Variants in GLG1 observed in about 807,000 individuals in gnomAD.
The protein encoded by GLG1 is golgi glycoprotein 1, also known as Golgi apparatus protein 1.
A neutral mutation model predicts 160.5 loss-of-function variants in GLG1; 38 were observed. That is an observed-to-expected ratio of 0.24 (90% CI 0.18 to 0.31). The LOEUF is 0.31. Among genes scored for constraint, GLG1 ranks in the 10% least tolerant of loss-of-function variants. The pLI, the probability that GLG1 is intolerant of heterozygous loss-of-function variation, is 1.00. For missense variants in GLG1, 1,373 were observed against 1,505.2 expected, an observed-to-expected ratio of 0.91 and a Z score of 1.45; for synonymous variants, 644 against 543.4, an observed-to-expected ratio of 1.19 and a Z score of -2.57.
chr16:74,505,922 T>C (rs565651426), intron 3 of GLG1, among the ~76,000 whole-genome samples: 1 of 151,692 alleles, frequency 6.6e-6, no homozygotes, highest in Non-Finnish European at 1.5e-5. Context: ...CCCAGCTACT[T>C]GGGAGGCTGA....
intron 2 of GLG1, among the ~76,000 whole-genome samples, chr16:74,521,850 G>C (rs1035810949): frequency 6.6e-6 from 1 of 152,156 alleles, no homozygotes; most frequent in Non-Finnish European, 1.5e-5. Context: ...TAGTCACAGG[G>C]GCATGGAAAG....
At chr16:74,461,958 C>A (rs1192799917) in intron 22 of GLG1, 136 bp downstream of exon 22, 1 of 593,698 alleles carries the variant, frequency 1.7e-6, no homozygotes, top group African/African-American at 1.9e-5. Context: ...GGAATGCAGA[C>A]CATGGAGAGC....
chr16:74,558,714 A>G (rs149683196), intron 1 of GLG1, among the ~76,000 whole-genome samples: 2 of 152,334 alleles, frequency 1.3e-5, no homozygotes, highest in African/African-American at 4.8e-5. Flanking sequence ...AAAGTTTCCT[A>G]TATTAACTAT....
intron 2 of GLG1, among the ~76,000 whole-genome samples, chr16:74,523,342 G>A (rs1477027206): frequency 6.6e-6 from 1 of 152,112 alleles, no homozygotes; most frequent in Non-Finnish European, 1.5e-5. Context: ...CTACCACACT[G>A]CCTTAATTAC....
Position 74,447,499 on chromosome 16 carries a change from A to C in GLG1, c.*5668T>G, listed in dbSNP as rs1183422080. The C allele has an allele frequency of 6.6e-6, 1 of 152,206 alleles. No individual in the cohort carries two copies. The allele number at this position is 152,206 out of a possible 1,614,324, so 9.4% of individuals were successfully genotyped here. A position where few individuals can be genotyped will look rare whatever the true frequency, so the allele number is the denominator to read the frequency against. On this transcript the variant is annotated 3_prime_UTR_variant, in exon 26 of 26. Transcript: ENST00000422840. ...ATCTGTACAGAAAAAAATGCACATT[A>C]TGTTCAGAACATATCTCAGTAACAT...
intron 1 of GLG1, among the ~76,000 whole-genome samples, chr16:74,597,068 A>T (rs1348778922): frequency 6.6e-6 from 1 of 151,648 alleles, no homozygotes; most frequent in South Asian, 2.1e-4. Flanking sequence ...GCAGTGAATC[A>T]TGATCATGCC....
chr16:74,579,362 G>C (rs1957884497), intron 1 of GLG1, among the ~76,000 whole-genome samples: 1 of 72,966 alleles, frequency 1.4e-5, no homozygotes, highest in Non-Finnish European at 2.5e-5. Flanking sequence ...GCTGCAGTGA[G>C]CCGTGATTGT....
chr16:74,462,580 T>C lies in GLG1; in HGVS notation c.2842A>G (p.Lys948Glu), dbSNP rs777133652. The C allele has an allele frequency of 1.1e-5, 17 of 1,613,782 alleles. No individual in the cohort carries two copies. The highest frequency in any genetic ancestry group is 1.4e-5 in the Non-Finnish European group (17 of 1,179,632). Residue 948 changes from lysine to glutamate, a missense_variant, in exon 21 of 26, where the codon AAA (lysine) becomes GAA (glutamate). Transcript: ENST00000422840. ...TTAGTCAGGATACCGTGACAGAATT[T>C]AGGAATGTCAGCTTTACAGGCTTTT... Reference protein sequence around the residue: ...LRKACKADIPKFCHGILTKAK... With the variant: ...LRKACKADIPEFCHGILTKAK...
Position 74,580,159 on chromosome 16 carries a change from A to G in GLG1, c.438+26498T>C, listed in dbSNP as rs570261193. 1.5e-3 allele frequency among the ~76,000 whole-genome samples: 224 copies of G among 152,160 alleles called. 1 individual carries two copies. The South Asian group carries it at 0.016, about 11-fold the overall frequency. On this transcript the variant is annotated intron_variant, in intron 1 of 25. Coordinates refer to ENST00000422840, the MANE Select transcript of GLG1 (RefSeq NM_001145667.2). ...AACACAGGCCTAAATCCTAAAGGCT[A>G]TTTATCAGGTATAAAAGATGCTAAA...
chr16:74,520,635 T>C (rs1000386407), intron 2 of GLG1, among the ~76,000 whole-genome samples: 3 of 152,056 alleles, frequency 2.0e-5, no homozygotes, highest in African/African-American at 7.3e-5. Flanking sequence ...AAACTCCATC[T>C]CAAACGACAA....
intron 2 of GLG1, among the ~76,000 whole-genome samples, chr16:74,521,822 G>A (rs1379329212): frequency 6.6e-6 from 1 of 152,156 alleles, no homozygotes; most frequent in African/African-American, 2.4e-5. Context: ...TCTCCCCATG[G>A]CCGTTGTGAC....
At chr16:74,465,929 C>CCAGG in intron 18 of GLG1, 116 bp from the exon 19 acceptor site, 1 of 884,374 alleles carries the variant, frequency 1.1e-6, no homozygotes, top group Non-Finnish European at 1.8e-6. Flanking sequence ...TTTCTCATTC[C>CCAGG]CAGGCAATCG....
Position 74,572,112 on chromosome 16 carries a change from G to A in GLG1, c.438+34545C>T, listed in dbSNP as rs1172020930. On this transcript the variant is annotated intron_variant, in intron 1 of 25. Transcript: ENST00000422840. ...GGAAAAACCAAGGCATGATTGGAGG[G>A]TTGGGACTTTCAGGCCCACCCCCAA... 6.6e-5 allele frequency among the ~76,000 whole-genome samples: 10 copies of A among 152,318 alleles called. No individual in the cohort carries two copies. In the South Asian group the frequency reaches 1.9e-3, roughly 28 times the overall value.
chr16:74,498,522 A>C (rs1342116250), intron 4 of GLG1, among the ~76,000 whole-genome samples: 1 of 134,822 alleles, frequency 7.4e-6, no homozygotes, highest in Non-Finnish European at 1.6e-5. Flanking sequence ...ACACGCAATT[A>C]AAATCTTGTT....
intron 1 of GLG1, among the ~76,000 whole-genome samples, chr16:74,600,949 G>C (rs998527549): frequency 2.0e-5 from 3 of 152,032 alleles, no homozygotes; most frequent in Non-Finnish European, 4.4e-5. Flanking sequence ...GTAAGCAATG[G>C]TGGTGTCTTA....
intron 1 of GLG1, among the ~76,000 whole-genome samples, chr16:74,595,742 T>C (rs1188924984): frequency 6.6e-6 from 1 of 152,242 alleles, no homozygotes; most frequent in African/African-American, 2.4e-5. Flanking sequence ...TGTTTTCTAG[T>C]AGTCATTTAT....
chr16:74,539,437 G>A (rs945484636), intron 1 of GLG1, among the ~76,000 whole-genome samples: 4 of 151,088 alleles, frequency 2.6e-5, no homozygotes, highest in Admixed American at 1.3e-4. Context: ...CTATGTTGAC[G>A]TTAAAACTTG....
In GLG1 at chr16:74,591,497, G is replaced by A. The variant is rs192221820; in HGVS notation, c.438+15160C>T. ...CAAAAAAATAGCTCTGCGTGGTGGC[G>A]GGTGCCCGTAGTCCCAGCTACGTGG... On this transcript the variant is annotated intron_variant, in intron 1 of 25. Transcript: ENST00000422840. 8.0e-5 allele frequency among the ~76,000 whole-genome samples: 12 copies of A among 150,132 alleles called. No individual in the cohort carries two copies. The East Asian group carries it at 1.6e-3, about 20-fold the overall frequency.
At chr16:74,596,361 T>C (rs1958303294) in intron 1 of GLG1, among the ~76,000 whole-genome samples, 2 of 151,992 alleles carry the variant, frequency 1.3e-5, no homozygotes, top group Non-Finnish European at 2.9e-5. Context: ...AAACCCCTTC[T>C]CTACTAAAAA....
Sources: gnomAD v4.1 joint callset for allele counts (sites outside exome capture counted in the v4.1 genomes callset) on GRCh38, gnomAD v4.1.1 for gene constraint, MANE v1.5 for transcripts, NCBI Gene and HGNC (gene_info 2026-07-23, HGNC 2026-07-21) for gene names.